The following A4GALT variants were observed in gnomAD, a reference collection of about 807,000 sequenced individuals.
A4GALT encodes the protein alpha 1,4-galactosyltransferase (P1PK blood group), also known as lactosylceramide 4-alpha-galactosyltransferase.
For missense variants in A4GALT, 512 were observed against 486.0 expected (o/e 1.05, Z -0.50); for synonymous variants, 257 against 220.7 (o/e 1.16, Z -1.46).
chr22:42,719,009 G>A (rs978364269), intron 1 of A4GALT, among the ~76,000 whole-genome samples: 1 of 152,194 alleles, frequency 6.6e-6, no homozygotes. Flanking sequence ...GGCCAGGTGG[G>A]CTTGGGAGTT....
chr22:42,697,292 T>TG (rs1267425853), intron 1 of A4GALT, among the ~76,000 whole-genome samples: 4 of 150,696 alleles, frequency 2.7e-5, no homozygotes, highest in Non-Finnish European at 4.4e-5. Context: ...GTGCGAAAGG[T>TG]GGGGGGCAGA....
chr22:42,711,071 C>T (rs1921649932), intron 1 of A4GALT, among the ~76,000 whole-genome samples: 1 of 150,842 alleles, frequency 6.6e-6, no homozygotes, highest in African/African-American at 2.4e-5. Flanking sequence ...AAATGCAGCT[C>T]ATATCACATA....
chr22:42,698,958 T>C (rs1345937388), intron 1 of A4GALT, among the ~76,000 whole-genome samples: 1 of 152,120 alleles, frequency 6.6e-6, no homozygotes, highest in African/African-American at 2.4e-5. Context: ...GGAAGTTACC[T>C]TGGGTGGTCT....
At chr22:42,715,293 G>C (rs1475932807) in intron 1 of A4GALT, among the ~76,000 whole-genome samples, 1 of 151,982 alleles carries the variant, frequency 6.6e-6, no homozygotes. Flanking sequence ...CAGAAATGTG[G>C]TCAAGATAGG....
At chr22:42,714,031 C>T (rs532907825) in intron 1 of A4GALT, among the ~76,000 whole-genome samples, 1 of 151,700 alleles carries the variant, frequency 6.6e-6, no homozygotes, top group Admixed American at 6.6e-5. Flanking sequence ...GTGGCGCATG[C>T]CTGTAATCCC....
intron 1 of A4GALT, among the ~76,000 whole-genome samples, chr22:42,712,760 T>C (rs943916124): frequency 1.3e-5 from 2 of 152,076 alleles, no homozygotes; most frequent in African/African-American, 2.4e-5. Flanking sequence ...AATACAAAAA[T>C]TGGCTGGGCG....
At chr22:42,707,411 T>C (rs1412368464) in intron 1 of A4GALT, among the ~76,000 whole-genome samples, 2 of 151,806 alleles carry the variant, frequency 1.3e-5, no homozygotes, top group African/African-American at 4.8e-5. Context: ...ATCCCATCAC[T>C]TTGAGAGGCC....
At chr22:42,708,545 AGAAGGAAG>A (rs560108193) in intron 1 of A4GALT, among the ~76,000 whole-genome samples, 317 of 116,592 alleles carry the variant, frequency 2.7e-3, no homozygotes, top group African/African-American at 5.1e-3. Context: ...GAGGAAAGAG[AGAAGGAAG>A]GAAGGAAGGA....
intron 1 of A4GALT, among the ~76,000 whole-genome samples, chr22:42,706,782 G>C (rs1194953111): frequency 1.4e-5 from 2 of 143,036 alleles, no homozygotes; most frequent in African/African-American, 5.2e-5. Context: ...GTGATGGAGT[G>C]AGACTCCATC....
chr22:42,706,815 A>G (rs951472548), intron 1 of A4GALT, among the ~76,000 whole-genome samples: 2 of 152,076 alleles, frequency 1.3e-5, no homozygotes, highest in Admixed American at 6.6e-5. Flanking sequence ...AAATTAAAAA[A>G]AGAACAAGCA....
intron 1 of A4GALT, among the ~76,000 whole-genome samples, chr22:42,704,641 C>A (rs930994908): frequency 4.0e-5 from 6 of 151,872 alleles, no homozygotes; most frequent in Non-Finnish European, 7.4e-5. Context: ...ATCAAGCAGG[C>A]GGTCTTGCTG....
chr22:42,706,623 G>A (rs759695494), intron 1 of A4GALT, among the ~76,000 whole-genome samples: 46 of 151,430 alleles, frequency 3.0e-4, no homozygotes, highest in African/African-American at 1.0e-3. Flanking sequence ...GGTGAAACCC[G>A]TTCTCCACTA....
intron 1 of A4GALT, among the ~76,000 whole-genome samples, chr22:42,715,875 C>G (rs1922132362): frequency 6.9e-6 from 1 of 145,030 alleles, no homozygotes; most frequent in African/African-American, 2.6e-5. Context: ...TCTTTTTGCC[C>G]AGGCTGGAGT....
Position 42,692,195 on chromosome 22 carries a change from T to TA in A4GALT, c.*694dup, listed in dbSNP as rs1001907021. The TA allele has an allele frequency of 5.6e-4, 100 of 177,720 alleles. No homozygotes were observed. The highest frequency in any genetic ancestry group is 2.3e-3 in the African/African-American group (97 of 42,164). The allele number at this position is 177,720 out of a possible 1,614,324, so 11.0% of individuals were successfully genotyped here. ...GCGGGCGGCAGGGTGGGGGTTTCTT[T>TA]AAAATGCTTCTCCTGAGCCTAAAGA... On this transcript the variant is annotated 3_prime_UTR_variant, in exon 3 of 3. Coordinates refer to ENST00000642412, the MANE Select transcript of A4GALT (RefSeq NM_017436.7). This position sits in a 1 kb window ranked among gnomAD's most constrained non-coding sequence, Gnocchi z 4.6.
chr22:42,698,963 T>C (rs1279748651), intron 1 of A4GALT, among the ~76,000 whole-genome samples: 1 of 152,082 alleles, frequency 6.6e-6, no homozygotes, highest in Non-Finnish European at 1.5e-5. Flanking sequence ...TTACCTTGGG[T>C]GGTCTAAAAA....
chr22:42,703,452 C>T (rs2146993593), intron 1 of A4GALT, among the ~76,000 whole-genome samples: 1 of 152,076 alleles, frequency 6.6e-6, no homozygotes, highest in Admixed American at 6.6e-5. Context: ...GACGGGGTTT[C>T]ACCATCTTGG....
chr22:42,692,900 AT>A lies in A4GALT; in HGVS notation c.1051del (p.Met351CysfsTer42). 1 of 1,602,204 alleles carries A rather than the reference AT, an allele frequency of 6.2e-7. No homozygotes were observed. The highest frequency in any genetic ancestry group is 8.5e-7 in the Non-Finnish European group (1 of 1,179,662). On this transcript the variant is annotated frameshift_variant, in exon 3 of 3. Transcript: ENST00000642412. LOFTEE classifies it high-confidence loss of function. The surrounding 1 kb of genome is among the most constrained non-coding windows in gnomAD (Gnocchi z 4.6). The stretch of plus-strand genomic sequence containing the variant: ...GACCTGGCGGGCCCCTCACAAGTAC[AT>A]TTTCATGGCCTCGTGCGTCGTGGGG... ...YCPTTHEAMK[M>X]YL
At position 42,693,750 on chromosome 22, in the gene A4GALT, T is replaced by TGGGGGGGGGGTGGGGGGGGGGGGGGG; in HGVS notation, c.201_202insCCCCCCCCCCCCCCCACCCCCCCCCC (p.Thr68ProfsTer55). ...GGAGTGGGGCCGTGGGAGGGTGGGG[T>TGGGGGGGGGGTGGGGGGGGGGGGGGG]GGGGGGTGTCAAGGTGGGGCAGGGG... On this transcript the variant is annotated frameshift_variant, in exon 3 of 3. Coordinates refer to ENST00000642412, the MANE Select transcript of A4GALT (RefSeq NM_017436.7). LOFTEE classifies it low-confidence loss of function (END_TRUNC). The TGGGGGGGGGGTGGGGGGGGGGGGGGG allele has an allele frequency of 2.6e-6, 1 of 391,458 alleles. No individual in the cohort carries two copies. Among genetic ancestry groups the TGGGGGGGGGGTGGGGGGGGGGGGGGG allele is most frequent in the Non-Finnish European group, 4.3e-6 (1 of 232,114 alleles). 24.2% of individuals were successfully genotyped at this position (391,458 alleles called of 1,614,324 possible). A position where few individuals can be genotyped will look rare whatever the true frequency, so the allele number is the denominator to read the frequency against.
At chr22:42,715,670 C>T (rs2049618041) in intron 1 of A4GALT, among the ~76,000 whole-genome samples, 1 of 151,948 alleles carries the variant, frequency 6.6e-6, no homozygotes, top group East Asian at 1.9e-4. Flanking sequence ...GCCATGATTG[C>T]ACCAGTGCAC....
Sources: allele counts gnomAD v4.1 joint callset (sites outside exome capture counted in the v4.1 genomes callset), GRCh38; gene constraint gnomAD v4.1.1; non-coding constraint Gnocchi (gnomAD v3.1); transcripts MANE v1.5; gene names NCBI Gene and HGNC (gene_info 2026-07-23, HGNC 2026-07-21).